URI1: variants seen among roughly 807,000 people sequenced by gnomAD.
URI1 encodes the protein unconventional prefoldin RPB5 interactor 1.
Under a neutral mutation model 60.2 loss-of-function variants are expected in URI1, and 39 were observed. That is an observed-to-expected ratio of 0.65 (90% CI 0.50 to 0.85). The LOEUF is 0.85. Among genes scored for constraint, URI1 ranks in the 40% least tolerant of loss-of-function variants. The probability of loss-of-function intolerance (pLI) is 0.00; values close to 1 mark genes in which losing one functional copy is unlikely to be tolerated. For missense variants in URI1, 691 were observed against 665.9 expected, an observed-to-expected ratio of 1.04 and a Z score of -0.42; for synonymous variants, 251 against 236.8, an observed-to-expected ratio of 1.06 and a Z score of -0.55.
At chr19:29,954,860 TTTC>T (rs2055224645) in intron 1 of URI1, among the ~76,000 whole-genome samples, 1 of 152,026 alleles carries the variant, frequency 6.6e-6, no homozygotes, top group Non-Finnish European at 1.5e-5. Flanking sequence ...CCTTCCTCTG[TTTC>T]TTCTTCAAAA....
chr19:30,013,215 A>G (rs1023126514), intron 10 of URI1, among the ~76,000 whole-genome samples: 4 of 152,234 alleles, frequency 2.6e-5, no homozygotes, highest in Non-Finnish European at 5.9e-5. Flanking sequence ...TTTAAAAAGT[A>G]TTTAGGAAGA....
chr19:29,945,716 T>C (rs1599659967), intron 1 of URI1, among the ~76,000 whole-genome samples: 2 of 152,210 alleles, frequency 1.3e-5, no homozygotes, highest in African/African-American at 4.8e-5. Context: ...AGCTGTTACG[T>C]AGGCATTGAA....
At chr19:29,994,781 A>AT (rs539678001) in intron 4 of URI1, among the ~76,000 whole-genome samples, 2,441 of 136,528 alleles carry the variant, frequency 0.018, 50 homozygotes, top group African/African-American at 0.046. Flanking sequence ...AATTCTGTGG[A>AT]TTTTTTTTTT....
At chr19:29,982,874 C>T (rs931854750) in intron 2 of URI1, among the ~76,000 whole-genome samples, 29 of 152,100 alleles carry the variant, frequency 1.9e-4, no homozygotes, top group Non-Finnish European at 3.8e-4. Flanking sequence ...TGTGTTAGAC[C>T]TTTTATATTT....
intron 1 of URI1, among the ~76,000 whole-genome samples, chr19:29,926,109 T>C (rs2145186739): frequency 6.6e-6 from 1 of 152,084 alleles, no homozygotes; most frequent in South Asian, 2.1e-4. Context: ...TTCTTTCTGT[T>C]TTTATTTCAA....
chr19:29,974,221 C>T (rs2055493227), intron 2 of URI1, among the ~76,000 whole-genome samples: 2 of 152,016 alleles, frequency 1.3e-5, no homozygotes, highest in African/African-American at 4.8e-5. Flanking sequence ...GAGATCATGT[C>T]TGTAGAACAC....
In URI1 at chr19:29,949,310, C is replaced by T. The variant is rs374969594; in HGVS notation, c.117+6646C>T. Among the ~76,000 whole-genome samples the T allele has an allele frequency of 4.0e-4, 59 of 149,294 alleles. No individual in the cohort carries two copies. The East Asian group carries it at 7.5e-3, about 19-fold the overall frequency. On this transcript the variant is annotated intron_variant, in intron 1 of 10. Transcript: ENST00000392271. ...GCAGAGGCGCTCCCCACATCCCAGA[C>T]GGGGCGGCGGGGCGGAGGTGCTCCC...
intron 1 of URI1, among the ~76,000 whole-genome samples, chr19:29,951,559 T>C (rs1055454257): frequency 6.6e-6 from 1 of 152,070 alleles, no homozygotes; most frequent in Admixed American, 6.5e-5. Context: ...ATTCTTTTTT[T>C]TTTTTTTTGA....
chr19:30,013,683 T>G (rs1243413571), intron 10 of URI1, among the ~76,000 whole-genome samples: 2 of 152,142 alleles, frequency 1.3e-5, no homozygotes, highest in African/African-American at 4.8e-5. Context: ...AAAGAAATAG[T>G]TCATGATTAT....
intron 1 of URI1, among the ~76,000 whole-genome samples, chr19:29,969,743 A>G (rs1259969341): frequency 1.3e-5 from 2 of 152,212 alleles, no homozygotes; most frequent in African/African-American, 4.8e-5. Flanking sequence ...CTTTATGAAA[A>G]GGATTTCATG....
intron 1 of URI1, among the ~76,000 whole-genome samples, chr19:29,964,650 T>C (rs35906108): frequency 1.3e-5 from 2 of 151,764 alleles, no homozygotes; most frequent in Non-Finnish European, 2.9e-5. Context: ...TTCGTAGAGA[T>C]AGGGCTTCAC....
At chr19:29,996,856 T>C (rs1235867739) in intron 4 of URI1, among the ~76,000 whole-genome samples, 1 of 152,092 alleles carries the variant, frequency 6.6e-6, no homozygotes, top group Non-Finnish European at 1.5e-5. Flanking sequence ...TTGGATTCAA[T>C]CGAGATTACC....
At chr19:29,980,574 A>G (rs2055580494) in intron 2 of URI1, among the ~76,000 whole-genome samples, 1 of 133,438 alleles carries the variant, frequency 7.5e-6, no homozygotes, top group South Asian at 2.6e-4. Context: ...TTAGGATGTT[A>G]GGTAGAGGAA....
Position 30,011,064 on chromosome 19 carries a change from G to T in URI1, c.1036-30G>T, listed in dbSNP as rs181066336. On this transcript the variant is annotated intron_variant, in intron 8 of 10. Transcript: ENST00000392271. ...TTCACTTTGATTTAATTTGTCAAAA[G>T]ATTCTTAATTTCTTGCTCTGAAATT... 1.5e-4 allele frequency: 234 copies of T among 1,589,914 alleles called. No homozygotes were observed. The African/African-American group carries it at 2.7e-3, about 18-fold the overall frequency.
At chr19:30,005,324 G>A (rs1458158888) in intron 4 of URI1, 37 bp from the exon 5 acceptor site, 16 of 1,232,966 alleles carry the variant, frequency 1.3e-5, no homozygotes, top group Non-Finnish European at 1.7e-5. Flanking sequence ...TCGTATATAT[G>A]CCATGCTTTA....
At chr19:29,989,485 G>A (rs927942099) in intron 4 of URI1, among the ~76,000 whole-genome samples, 6 of 151,670 alleles carry the variant, frequency 4.0e-5, no homozygotes, top group Admixed American at 3.3e-4. Flanking sequence ...GTGCAGTGGC[G>A]CGATGTCAGT....
intron 4 of URI1, among the ~76,000 whole-genome samples, chr19:30,001,278 A>AT (rs2055875022): frequency 2.0e-5 from 3 of 151,886 alleles, no homozygotes; most frequent in South Asian, 4.1e-4. Flanking sequence ...ACTGATAGGT[A>AT]TTTTTTGTAG....
At chr19:29,997,364 C>T (rs1367022517) in intron 4 of URI1, among the ~76,000 whole-genome samples, 1 of 151,922 alleles carries the variant, frequency 6.6e-6, no homozygotes, top group African/African-American at 2.4e-5. Flanking sequence ...CTGTATAATC[C>T]CATTAATTTC....
In URI1 at chr19:30,007,578, AACTGTGGGCTCG is replaced by A. The variant is rs1421696504; in HGVS notation, c.630_641del (p.Trp211_Leu214del). The A allele has an allele frequency of 3.1e-6, 5 of 1,613,362 alleles. No individual in the cohort carries two copies. Among genetic ancestry groups the A allele is most frequent in the Non-Finnish European group, 4.2e-6 (5 of 1,179,532 alleles). On this transcript the variant is annotated inframe_deletion, in exon 7 of 11. Transcript: ENST00000392271. The stretch of plus-strand genomic sequence containing the variant: ...TCCAAGGATTTGCTAGCTGATAAAG[AACTGTGGGCTCG>A]ACTTGAAGAACTAGAGAGACAGGAA...
Sources: allele counts gnomAD v4.1 joint callset (sites outside exome capture counted in the v4.1 genomes callset), GRCh38; gene constraint gnomAD v4.1.1; transcripts MANE v1.5; gene names NCBI Gene and HGNC (gene_info 2026-07-23, HGNC 2026-07-21).